The following PHF24 variants were observed in gnomAD, a reference collection of about 807,000 sequenced individuals.
PHF24 encodes Galpha inhibitory interacting protein.
A neutral mutation model predicts 42.6 loss-of-function variants in PHF24; 25 were observed. The ratio of observed to expected loss-of-function variants is 0.59; its 90% CI spans 0.43 to 0.82. The LOEUF is 0.82. PHF24 is among the 40% of genes least tolerant of loss of function. The pLI is 0.00. For synonymous variants in PHF24, 185 were observed against 204.8 expected (o/e 0.90, Z 0.83); for missense variants, 470 against 538.1 (o/e 0.87, Z 1.25).
intron 1 of PHF24, among the ~76,000 whole-genome samples, chr9:34,962,216 C>G (rs1049699840): frequency 7.2e-5 from 11 of 152,242 alleles, no homozygotes; most frequent in Non-Finnish European, 1.3e-4. Flanking sequence ...GTTCTTTGGG[C>G]TGATGCTAAT....
At chr9:34,805,863 A>C in the PHF24 span, among the ~76,000 whole-genome samples, 1 of 152,208 alleles carries the variant, frequency 6.6e-6, no homozygotes, top group Non-Finnish European at 1.5e-5. Context: ...CAAGTCTTAG[A>C]TCCAACTTTG....
At chr9:34,909,347 A>T in the PHF24 span, among the ~76,000 whole-genome samples, 4 of 152,182 alleles carry the variant, frequency 2.6e-5, no homozygotes, top group African/African-American at 9.7e-5. Context: ...CTAGCCTGTC[A>T]TCAGTGGCAG....
At chr9:34,892,535 T>G in the PHF24 span, 1 of 414,018 alleles carries the variant, frequency 2.4e-6, no homozygotes, top group Non-Finnish European at 4.2e-6. Flanking sequence ...TGAAGATTCC[T>G]CAGGACTTTT....
chr9:34,719,544 T>C, the PHF24 span, among the ~76,000 whole-genome samples: 10 of 152,224 alleles, frequency 6.6e-5, no homozygotes, highest in African/African-American at 2.4e-4. Flanking sequence ...CTCAGAATCC[T>C]GAAGGTATCA....
At chr9:34,932,488 A>G in the PHF24 span, among the ~76,000 whole-genome samples, 1 of 152,208 alleles carries the variant, frequency 6.6e-6, no homozygotes, top group Non-Finnish European at 1.5e-5. Context: ...TGATCTCACT[A>G]GCCTCACCTA....
At chr9:34,677,697 C>T in the PHF24 span, among the ~76,000 whole-genome samples, 1 of 152,158 alleles carries the variant, frequency 6.6e-6, no homozygotes, top group Admixed American at 6.6e-5. Context: ...TTCGCCCAGC[C>T]AGTAAACTGT....
At chr9:34,837,304 A>G in the PHF24 span, 1 of 352,194 alleles carries the variant, frequency 2.8e-6, no homozygotes, top group South Asian at 2.3e-5. Context: ...TTCTGTGCCC[A>G]TTCTTATTTG....
At chr9:34,936,052 C>CCT in the PHF24 span, among the ~76,000 whole-genome samples, 1 of 151,458 alleles carries the variant, frequency 6.6e-6, no homozygotes, top group Non-Finnish European at 1.5e-5. Context: ...GCTCCCACCC[C>CCT]CTCTCCCTCT....
chr9:34,665,654 C>G, the PHF24 span: 1 of 701,278 alleles, frequency 1.4e-6, no homozygotes, highest in South Asian at 1.5e-5. Context: ...TCCTCATTCC[C>G]GACATGTCCT....
chr9:34,891,010 T>G, the PHF24 span, among the ~76,000 whole-genome samples: 1 of 152,174 alleles, frequency 6.6e-6, no homozygotes, highest in Non-Finnish European at 1.5e-5. Flanking sequence ...GATTGTGGAT[T>G]CGTGAGTGAT....
chr9:34,887,430 CCTTACCA>C, the PHF24 span, among the ~76,000 whole-genome samples: 1 of 152,166 alleles, frequency 6.6e-6, no homozygotes, highest in Non-Finnish European at 1.5e-5. Context: ...CCATGTGGCC[CCTTACCA>C]CTGGAGTCAT....
the PHF24 span, among the ~76,000 whole-genome samples, chr9:34,878,779 C>T: frequency 6.6e-6 from 1 of 152,204 alleles, no homozygotes; most frequent in Non-Finnish European, 1.5e-5. Flanking sequence ...GTAGACTTCA[C>T]GTCTGGGGGC....
chr9:34,949,966 G>A, the PHF24 span, among the ~76,000 whole-genome samples: 3 of 151,090 alleles, frequency 2.0e-5, no homozygotes, highest in Admixed American at 6.6e-5. Context: ...GTATACCTAC[G>A]TAACAAACCT....
chr9:34,800,951 G>T, the PHF24 span, among the ~76,000 whole-genome samples: 73 of 152,138 alleles, frequency 4.8e-4, 1 homozygote, highest in African/African-American at 1.7e-3. Flanking sequence ...GACTCTACAA[G>T]GAACTTGAAC....
the PHF24 span, among the ~76,000 whole-genome samples, chr9:34,949,827 C>G: frequency 5.2e-4 from 79 of 151,586 alleles, no homozygotes; most frequent in Non-Finnish European, 9.9e-4. Context: ...AGGAGGGGAA[C>G]ATTACACACC....
the PHF24 span, among the ~76,000 whole-genome samples, chr9:34,933,593 T>C: frequency 0.47 from 70,466 of 150,222 alleles, 16,785 homozygotes; most frequent in Non-Finnish European, 0.52. Flanking sequence ...GGCATGGTGG[T>C]GGGCACCTGT....
the PHF24 span, among the ~76,000 whole-genome samples, chr9:34,830,552 G>T: frequency 1.3e-5 from 2 of 152,150 alleles, no homozygotes; most frequent in African/African-American, 4.8e-5. Flanking sequence ...AGGTTCGAAG[G>T]AATATGAGTA....
chr9:34,783,870 A>G, the PHF24 span, among the ~76,000 whole-genome samples: 1 of 152,188 alleles, frequency 6.6e-6, no homozygotes, highest in Admixed American at 6.5e-5. Flanking sequence ...TTGATGTATA[A>G]TGTTGCCTTT....
the PHF24 span, among the ~76,000 whole-genome samples, chr9:34,936,066 T>A: frequency 4.1e-5 from 5 of 122,854 alleles, no homozygotes; most frequent in East Asian, 5.1e-4. Context: ...TCCCTCTCCC[T>A]CTCCCCACGG....
Sources: gnomAD v4.1 joint callset for allele counts (sites outside exome capture counted in the v4.1 genomes callset) on GRCh38, gnomAD v4.1.1 for gene constraint, MANE v1.5 for transcripts, NCBI Gene and HGNC (gene_info 2026-07-23, HGNC 2026-07-21) for gene names.